Variants in INVS observed in about 807,000 individuals in gnomAD.
INVS encodes the protein inversion of embryo turning homolog.
A neutral mutation model predicts 108.8 loss-of-function variants in INVS; 86 were observed. The observed-to-expected ratio is 0.79, with a 90% CI of 0.66 to 0.95. INVS has a LOEUF of 0.95. Among genes scored for constraint, INVS ranks in the 40% least tolerant of loss-of-function variants. The pLI, the probability that INVS is intolerant of heterozygous loss-of-function variation, is 0.00. For synonymous variants in INVS, 455 were observed against 473.5 expected (o/e 0.96, Z 0.51); for missense variants, 1,169 against 1,297.4 (o/e 0.90, Z 1.52).
intron 3 of INVS, among the ~76,000 whole-genome samples, chr9:100,161,213 CA>C (rs1054683915): frequency 2.0e-5 from 3 of 150,136 alleles, no homozygotes; most frequent in African/African-American, 7.4e-5. Context: ...CTATCTGTAC[CA>C]AAAATACAAA....
chr9:100,142,785 G>T (rs1208001103), intron 3 of INVS, among the ~76,000 whole-genome samples: 2 of 152,190 alleles, frequency 1.3e-5, no homozygotes, highest in African/African-American at 2.4e-5. Flanking sequence ...GCTGCATGCA[G>T]ACATGAGGGT....
chr9:100,162,610 A>T (rs1829225905), intron 3 of INVS, among the ~76,000 whole-genome samples: 2 of 152,182 alleles, frequency 1.3e-5, no homozygotes, highest in Non-Finnish European at 2.9e-5. Flanking sequence ...TGCTCTTTCC[A>T]TTCCTTTGAT....
chr9:100,231,233 C>T (rs1023536771), intron 5 of INVS, among the ~76,000 whole-genome samples: 1 of 152,036 alleles, frequency 6.6e-6, no homozygotes, highest in African/African-American at 2.4e-5. Flanking sequence ...ATTTTTTAAT[C>T]GTTTTTTACA....
chr9:100,253,211 A>G, intron 10 of INVS, 75 bp downstream of exon 10: 1 of 1,151,524 alleles, frequency 8.7e-7, no homozygotes, highest in Non-Finnish European at 1.3e-6. Context: ...AAACATAAGT[A>G]AAACAACAGT....
At chr9:100,264,454 C>T (rs1317721113) in intron 10 of INVS, among the ~76,000 whole-genome samples, 3 of 151,886 alleles carry the variant, frequency 2.0e-5, no homozygotes, top group Non-Finnish European at 4.4e-5. Context: ...CCTGTCTCTA[C>T]TAAAAATACA....
intron 3 of INVS, among the ~76,000 whole-genome samples, chr9:100,200,483 A>G (rs1830503108): frequency 6.6e-6 from 1 of 152,142 alleles, no homozygotes. Flanking sequence ...GAACTTGTTG[A>G]GTGTCTCGGT....
Position 100,300,798 on chromosome 9 carries a change from C to T in INVS, c.*124C>T. On this transcript the variant is annotated 3_prime_UTR_variant, in exon 17 of 17. Coordinates refer to ENST00000262457, the MANE Select transcript of INVS (RefSeq NM_014425.5). ...TATCCGTACCTGAAGGCTGATTCACCTAAAAATGTGTTAACTGAAAGAAAA... is the reference window on the plus strand; with the variant it reads ...TATCCGTACCTGAAGGCTGATTCACTTAAAAATGTGTTAACTGAAAGAAAA... The T allele has an allele frequency of 1.4e-6, 1 of 708,896 alleles. No individual in the cohort carries two copies. Among genetic ancestry groups the T allele is most frequent in the Non-Finnish European group, 2.5e-6 (1 of 397,488 alleles). 43.9% of individuals were successfully genotyped at this position (708,896 alleles called of 1,614,324 possible). A position where few individuals can be genotyped will look rare whatever the true frequency, so the allele number is the denominator to read the frequency against.
chr9:100,103,681 CGAGGG>C (rs1282896154), intron 1 of INVS, among the ~76,000 whole-genome samples: 1 of 45,616 alleles, frequency 2.2e-5, no homozygotes, highest in Admixed American at 3.1e-4. Flanking sequence ...AAAGGAGAGG[CGAGGG>C]GAGGGGAGGG....
At chr9:100,269,267 A>G (rs940995366) in intron 11 of INVS, among the ~76,000 whole-genome samples, 1 of 152,218 alleles carries the variant, frequency 6.6e-6, no homozygotes, top group African/African-American at 2.4e-5. Flanking sequence ...AATGACCTCT[A>G]AAATTCAATT....
chr9:100,266,908 G>A (rs981532199), intron 11 of INVS, among the ~76,000 whole-genome samples: 2 of 149,722 alleles, frequency 1.3e-5, no homozygotes, highest in Admixed American at 6.7e-5. Flanking sequence ...ACTTCTCTAC[G>A]TCCATCTCAG....
chr9:100,148,162 AG>A (rs1828686110), intron 3 of INVS, among the ~76,000 whole-genome samples: 1 of 152,134 alleles, frequency 6.6e-6, no homozygotes, highest in South Asian at 2.1e-4. Flanking sequence ...CAACAGAGTG[AG>A]ACCGTGTCTC....
chr9:100,138,072 G>A (rs1367902939), intron 3 of INVS, among the ~76,000 whole-genome samples: 8 of 152,076 alleles, frequency 5.3e-5, no homozygotes, highest in Non-Finnish European at 1.0e-4. Flanking sequence ...CAGCAAGTAG[G>A]TATAGCCATC....
intron 10 of INVS, among the ~76,000 whole-genome samples, chr9:100,258,860 G>C (rs2787388): frequency 0.33 from 50,581 of 152,096 alleles, 9,119 homozygotes; most frequent in Non-Finnish European, 0.42. Context: ...GGCTATTGGG[G>C]GTCAGGGACC....
chr9:100,193,271 C>T (rs1170189204), intron 3 of INVS, among the ~76,000 whole-genome samples: 5 of 152,068 alleles, frequency 3.3e-5, no homozygotes, highest in African/African-American at 4.8e-5. Context: ...TCAGTCATTG[C>T]GCCCAGTCAG....
chr9:100,252,578 G>A, intron 9 of INVS, 140 bp downstream of exon 9: 4 of 858,584 alleles, frequency 4.7e-6, no homozygotes, highest in Non-Finnish European at 5.7e-6. Flanking sequence ...ATGGCATGAG[G>A]AACCTCAAGT....
At chr9:100,106,754 G>A (rs1177421280) in intron 2 of INVS, among the ~76,000 whole-genome samples, 1 of 152,146 alleles carries the variant, frequency 6.6e-6, no homozygotes, top group Non-Finnish European at 1.5e-5. Context: ...TGGGTCAAAG[G>A]CAGATACGTT....
chr9:100,221,858 TTTA>T (rs766064565), intron 3 of INVS, among the ~76,000 whole-genome samples: 83 of 152,136 alleles, frequency 5.5e-4, no homozygotes, highest in Middle Eastern at 3.2e-3. Context: ...ATTGTTCTAT[TTTA>T]TTATTAGTTA....
At chr9:100,157,728 A>G (rs1829046637) in intron 3 of INVS, among the ~76,000 whole-genome samples, 1 of 152,196 alleles carries the variant, frequency 6.6e-6, no homozygotes, top group Non-Finnish European at 1.5e-5. Context: ...CTTTCCTGCC[A>G]CCCTTCAATG....
chr9:100,116,899 A>G lies in INVS; in HGVS notation c.107-9484A>G, dbSNP rs1485122343. The G allele has an allele frequency of 2.3e-6, 3 of 1,277,238 alleles. No individual in the cohort carries two copies. The African/African-American group carries it at 4.4e-5, about 19-fold the overall frequency. 79.1% of individuals were successfully genotyped at this position (1,277,238 alleles called of 1,614,324 possible). On this transcript the variant is annotated intron_variant, in intron 2 of 16. Coordinates refer to ENST00000262457, the MANE Select transcript of INVS (RefSeq NM_014425.5). ...CGGGGGTCAGGTAGCTGTAGGTCTT[A>G]GAGATGGCATCAAAGGTGGCCTTGG...
Sources: gnomAD v4.1 joint callset for allele counts (sites outside exome capture counted in the v4.1 genomes callset) on GRCh38, gnomAD v4.1.1 for gene constraint, MANE v1.5 for transcripts, NCBI Gene and HGNC (gene_info 2026-07-23, HGNC 2026-07-21) for gene names.